PPARGC1A: variants seen among roughly 807,000 people sequenced by gnomAD.
The protein encoded by PPARGC1A is peroxisome proliferator-activated receptor gamma coactivator 1-alpha.
A neutral mutation model predicts 88.7 loss-of-function variants in PPARGC1A; 25 were observed. That is an observed-to-expected ratio of 0.28 (90% confidence interval 0.21 to 0.39). The LOEUF is 0.39. Among genes scored for constraint, PPARGC1A ranks in the 10% least tolerant of loss-of-function variants. The pLI is 1.00. For missense variants in PPARGC1A, 880 were observed against 968.7 expected (o/e 0.91, Z 1.22); for synonymous variants, 363 against 355.6 (o/e 1.02, Z -0.24).
the PPARGC1A span, among the ~76,000 whole-genome samples, chr4:24,102,962 A>G: frequency 2.0e-5 from 3 of 152,306 alleles, no homozygotes; most frequent in South Asian, 2.1e-4. Flanking sequence ...TGGTTGTTAA[A>G]CCATAGTAAA....
chr4:24,305,999 A>G, the PPARGC1A span, among the ~76,000 whole-genome samples: 1 of 152,154 alleles, frequency 6.6e-6, no homozygotes, highest in African/African-American at 2.4e-5. Context: ...CCCTCATCCT[A>G]TGGAAGAAAT....
the PPARGC1A span, among the ~76,000 whole-genome samples, chr4:24,168,188 C>T: frequency 3.3e-5 from 5 of 152,272 alleles, no homozygotes; most frequent in South Asian, 4.1e-4. Flanking sequence ...TGTGCTTTAT[C>T]GCCATATTTG....
chr4:23,885,981 C>G (rs1716808560), intron 1 of PPARGC1A, among the ~76,000 whole-genome samples: 1 of 152,156 alleles, frequency 6.6e-6, no homozygotes, highest in South Asian at 2.1e-4. Flanking sequence ...GGCAAGTGGA[C>G]TCCCCTTACC....
chr4:24,023,383 G>T, the PPARGC1A span, among the ~76,000 whole-genome samples: 1 of 151,970 alleles, frequency 6.6e-6, no homozygotes, highest in Admixed American at 6.6e-5. Context: ...AGACAGGTTT[G>T]GAAAAAAAAC....
the PPARGC1A span, among the ~76,000 whole-genome samples, chr4:24,048,137 T>G: frequency 6.6e-6 from 1 of 152,360 alleles, no homozygotes; most frequent in Admixed American, 6.5e-5. Context: ...ATCTATGCTA[T>G]ATTACTTCAA....
chr4:24,128,394 C>T, the PPARGC1A span, among the ~76,000 whole-genome samples: 398 of 152,206 alleles, frequency 2.6e-3, 8 homozygotes, highest in East Asian at 0.049. Flanking sequence ...GTACTAAATA[C>T]GTGACATTTT....
chr4:24,388,459 C>G, the PPARGC1A span, among the ~76,000 whole-genome samples: 2 of 152,182 alleles, frequency 1.3e-5, no homozygotes, highest in South Asian at 4.1e-4. Flanking sequence ...ACCCAGCCAT[C>G]CCATTACTGG....
At chr4:23,890,694 G>A (rs1285732171), upstream of PPARGC1A, among the ~76,000 whole-genome samples, 7 of 141,534 alleles carry the variant, frequency 4.9e-5, no homozygotes, top group Admixed American at 1.5e-4. Flanking sequence ...CCCAGAATTC[G>A]GCTGCCCCCA....
chr4:23,829,652 T>G, intron 3 of PPARGC1A, 67 bp from the exon 4 acceptor site: 1 of 1,423,324 alleles, frequency 7.0e-7, no homozygotes, highest in South Asian at 1.5e-5. Flanking sequence ...TTGGAATAAG[T>G]TATTGAAATT....
chr4:23,954,743 T>A, the PPARGC1A span, among the ~76,000 whole-genome samples: 1 of 152,082 alleles, frequency 6.6e-6, no homozygotes, highest in Non-Finnish European at 1.5e-5. Context: ...TTCTTTTTAT[T>A]TTTAATAATT....
At chr4:24,359,212 A>G in the PPARGC1A span, among the ~76,000 whole-genome samples, 1 of 152,186 alleles carries the variant, frequency 6.6e-6, no homozygotes, top group Admixed American at 6.5e-5. Flanking sequence ...AGAGATATAC[A>G]AAATCAAATA....
At chr4:24,092,069 A>G in the PPARGC1A span, among the ~76,000 whole-genome samples, 1 of 152,020 alleles carries the variant, frequency 6.6e-6, no homozygotes, top group African/African-American at 2.4e-5. Flanking sequence ...ATTTGAATAC[A>G]TCTCCCCCAA....
chr4:23,831,351 A>G (rs1490236149), intron 3 of PPARGC1A: 7 of 413,102 alleles, frequency 1.7e-5, no homozygotes, highest in African/African-American at 4.0e-5. Context: ...TAGTAAAAAA[A>G]ACTGCAATAA....
chr4:24,058,139 A>G, the PPARGC1A span, among the ~76,000 whole-genome samples: 46 of 152,302 alleles, frequency 3.0e-4, no homozygotes, highest in Middle Eastern at 3.4e-3. Context: ...GCCCCGCCCC[A>G]GAGGGGTGGC....
the PPARGC1A span, among the ~76,000 whole-genome samples, chr4:23,920,807 T>C: frequency 1.3e-5 from 2 of 152,200 alleles, no homozygotes; most frequent in Non-Finnish European, 2.9e-5. Flanking sequence ...CTGAAATGAC[T>C]GAAGCCAGGA....
At chr4:24,279,933 G>C in the PPARGC1A span, among the ~76,000 whole-genome samples, 4 of 152,128 alleles carry the variant, frequency 2.6e-5, no homozygotes, top group Non-Finnish European at 5.9e-5. Context: ...AACAGCAGGA[G>C]AGCAAATTGG....
the PPARGC1A span, among the ~76,000 whole-genome samples, chr4:24,218,082 AC>A: frequency 3.3e-5 from 5 of 152,250 alleles, no homozygotes; most frequent in African/African-American, 1.2e-4. Context: ...CGCAATTCAT[AC>A]AAAGTTAGAA....
the PPARGC1A span, among the ~76,000 whole-genome samples, chr4:24,212,106 T>C: frequency 6.6e-6 from 1 of 152,162 alleles, no homozygotes; most frequent in Admixed American, 6.5e-5. Flanking sequence ...CCAAACTCTT[T>C]CATATAATCT....
chr4:24,122,415 GC>G, the PPARGC1A span, among the ~76,000 whole-genome samples: 1 of 114,476 alleles, frequency 8.7e-6, no homozygotes, highest in South Asian at 2.9e-4. Context: ...GTGTGTGTGT[GC>G]ATATATATAT....
Sources: allele counts gnomAD v4.1 joint callset (sites outside exome capture counted in the v4.1 genomes callset), GRCh38; gene constraint gnomAD v4.1.1; transcripts MANE v1.5; gene names NCBI Gene and HGNC (gene_info 2026-07-23, HGNC 2026-07-21).